The following XYLT1 variants were observed in gnomAD, a reference collection of about 807,000 sequenced individuals.
XYLT1 encodes the protein xylosyltransferase 1, also known as beta-D-xylosyltransferase 1.
A neutral mutation model predicts 91.3 loss-of-function variants in XYLT1; 36 were observed. The observed-to-expected ratio is 0.39, with a 90% confidence interval of 0.30 to 0.52. The LOEUF is 0.52. XYLT1 is among the 20% of genes least tolerant of loss of function. XYLT1 has a pLI of 0.68. For synonymous variants in XYLT1, 588 were observed against 532.0 expected (o/e 1.11, Z -1.45); for missense variants, 1,242 against 1,284.5 (o/e 0.97, Z 0.51).
rs190788615 is a variant in XYLT1, at chr16:17,402,123, G to A, written c.364-44073C>T. On this transcript the variant is annotated intron_variant, in intron 1 of 11. Transcript: ENST00000261381. Reference sequence around the variant, plus strand: ...AGACCAGCCTGGACAACATAGCAAAGCCCTGTTTCTACAAAAAAAAAAAAC... The same window carrying A: ...AGACCAGCCTGGACAACATAGCAAAACCCTGTTTCTACAAAAAAAAAAAAC... Among the ~76,000 whole-genome samples the A allele has an allele frequency of 2.4e-4, 34 of 140,008 alleles. No homozygotes were observed. The East Asian group carries it at 6.1e-3, about 25-fold the overall frequency. The allele number at this position is 140,008 out of a possible 152,430, so 91.9% of individuals were successfully genotyped here. A position where few individuals can be genotyped will look rare whatever the true frequency, so the allele number is the denominator to read the frequency against.
At chr16:17,202,895 C>T (rs1258848633) in intron 3 of XYLT1, among the ~76,000 whole-genome samples, 4 of 152,086 alleles carry the variant, frequency 2.6e-5, no homozygotes, top group African/African-American at 9.7e-5. Flanking sequence ...CAGGAAGGCA[C>T]ATTTGGGATC....
intron 2 of XYLT1, among the ~76,000 whole-genome samples, chr16:17,328,579 A>AAAAAAG (rs2034849675): frequency 5.4e-5 from 8 of 148,848 alleles, no homozygotes; most frequent in African/African-American, 7.4e-5. Flanking sequence ...AAAAAAAAGA[A>AAAAAAG]GGTGTGATAA....
intron 5 of XYLT1, among the ~76,000 whole-genome samples, chr16:17,162,822 G>C (rs2031587506): frequency 1.3e-5 from 2 of 152,202 alleles, no homozygotes; most frequent in African/African-American, 4.8e-5. Context: ...AAGCATTGCT[G>C]TAAGTCATGT....
intron 5 of XYLT1, among the ~76,000 whole-genome samples, chr16:17,184,777 T>C (rs1046915443): frequency 2.6e-5 from 4 of 152,214 alleles, no homozygotes; most frequent in African/African-American, 7.2e-5. Context: ...GGCCAAGTGC[T>C]CTATTCTCTG....
chr16:17,301,389 A>G (rs578109995), intron 2 of XYLT1, among the ~76,000 whole-genome samples: 22 of 152,216 alleles, frequency 1.4e-4, no homozygotes, highest in African/African-American at 4.8e-4. Context: ...CAGCCTGGGC[A>G]ACACAACACA....
intron 5 of XYLT1, among the ~76,000 whole-genome samples, chr16:17,181,670 A>C (rs1165688960): frequency 1.3e-5 from 2 of 152,134 alleles, no homozygotes; most frequent in East Asian, 1.9e-4. Flanking sequence ...AGGATTACTT[A>C]GTGCTGGAGA....
At chr16:17,359,115 AG>A (rs1406111310) in intron 1 of XYLT1, among the ~76,000 whole-genome samples, 4 of 152,150 alleles carry the variant, frequency 2.6e-5, no homozygotes, top group Admixed American at 2.6e-4. Context: ...CAGCACATGA[AG>A]GCTATTTCTG....
intron 2 of XYLT1, among the ~76,000 whole-genome samples, chr16:17,291,608 C>T (rs2034228137): frequency 6.6e-6 from 1 of 151,032 alleles, no homozygotes; most frequent in Non-Finnish European, 1.5e-5. Flanking sequence ...GCTGTGTTTT[C>T]CTAAAGCTCT....
chr16:17,202,233 C>T (rs988014904), intron 3 of XYLT1, among the ~76,000 whole-genome samples: 1 of 152,174 alleles, frequency 6.6e-6, no homozygotes, highest in East Asian at 1.9e-4. Context: ...CTGCAAGTGT[C>T]CCAGCATCTA....
At chr16:17,379,757 T>TCACACA (rs1240413974) in intron 1 of XYLT1, among the ~76,000 whole-genome samples, 10 of 129,990 alleles carry the variant, frequency 7.7e-5, no homozygotes, top group Admixed American at 2.2e-4. Flanking sequence ...TCTCTCTCTC[T>TCACACA]CTCTCTCACA....
intron 1 of XYLT1, among the ~76,000 whole-genome samples, chr16:17,416,748 C>T (rs1336715777): frequency 6.6e-6 from 1 of 152,192 alleles, no homozygotes; most frequent in East Asian, 1.9e-4. Flanking sequence ...CTGCCTCCAC[C>T]AGGGGTTGCC....
chr16:17,259,660 G>A (rs2033693420), intron 2 of XYLT1, among the ~76,000 whole-genome samples, 162 bp from the exon 3 acceptor site: 1 of 152,128 alleles, frequency 6.6e-6, no homozygotes, highest in South Asian at 2.1e-4. Flanking sequence ...GCTCTCTCTG[G>A]ACCTCAGTTT....
intron 11 of XYLT1, 109 bp from the exon 12 acceptor site, chr16:17,109,126 TAATTCACATGAC>T (rs1966819456): frequency 3.6e-6 from 4 of 1,096,898 alleles, no homozygotes; most frequent in Admixed American, 6.5e-5. Flanking sequence ...TCGCCTCATT[TAATTCACATGAC>T]AATCTCATGA....
At chr16:17,308,162 A>G (rs2034494862) in intron 2 of XYLT1, among the ~76,000 whole-genome samples, 1 of 152,220 alleles carries the variant, frequency 6.6e-6, no homozygotes, top group Non-Finnish European at 1.5e-5. Flanking sequence ...ATTGAAAAGT[A>G]TGTCCAGTTC....
At chr16:17,345,831 G>C (rs1159943199) in intron 2 of XYLT1, among the ~76,000 whole-genome samples, 1 of 152,128 alleles carries the variant, frequency 6.6e-6, no homozygotes, top group South Asian at 2.1e-4. Flanking sequence ...TTATTTTTGA[G>C]AGAGAGTCTC....
chr16:17,252,841 C>T (rs1020753677), intron 3 of XYLT1, among the ~76,000 whole-genome samples: 2 of 152,150 alleles, frequency 1.3e-5, no homozygotes, highest in Admixed American at 1.3e-4. Context: ...GAATTGTTTC[C>T]TTAATTATAT....
rs781690842 is a variant in XYLT1 at position 17,259,106 on chromosome 16, G to C, written c.795C>G (p.Ile265Met). The C allele has an allele frequency of 7.0e-6, 11 of 1,570,336 alleles. No individual in the cohort carries two copies. Among genetic ancestry groups the C allele is most frequent in the Non-Finnish European group, 8.6e-6 (10 of 1,159,266 alleles). ...PKCDISGKEAISALSRAKSKH... is the reference protein window; with the variant it reads ...PKCDISGKEAMSALSRAKSKH... ...TGGACTTAGCACGGGACAGGGCAGA[G>C]ATGGCCTCCTTGCCTGAGATGTCAC... The change falls in exon 3 of 12, where the codon ATC (isoleucine) becomes ATG (methionine). Residue 265 changes from isoleucine (I) to methionine (M), a missense_variant. Physicochemically the swap from Ile to Met is conservative, Grantham distance 10. Coordinates refer to ENST00000261381, the MANE Select transcript of XYLT1 (RefSeq NM_022166.4).
At chr16:17,111,338 TA>T (rs1966840420) in intron 11 of XYLT1, among the ~76,000 whole-genome samples, 1 of 152,194 alleles carries the variant, frequency 6.6e-6, no homozygotes, top group African/African-American at 2.4e-5. Flanking sequence ...ATGCTATTTC[TA>T]ATATTTTGAA....
At chr16:17,340,319 G>A (rs1163133202) in intron 2 of XYLT1, among the ~76,000 whole-genome samples, 1 of 152,188 alleles carries the variant, frequency 6.6e-6, no homozygotes, top group Non-Finnish European at 1.5e-5. Context: ...GTATGGCCGT[G>A]GGCATGTCAC....
Sources: allele counts gnomAD v4.1 joint callset (sites outside exome capture counted in the v4.1 genomes callset), GRCh38; gene constraint gnomAD v4.1.1; transcripts MANE v1.5; gene names NCBI Gene and HGNC (gene_info 2026-07-23, HGNC 2026-07-21).